MARK3: variants seen among roughly 807,000 people sequenced by gnomAD.
MARK3 encodes MAP/microtubule affinity-regulating kinase 3.
MARK3 carries 46 observed loss-of-function variants against 90.1 expected under a neutral mutation model. The observed-to-expected ratio is 0.51, with a 90% CI of 0.40 to 0.65. The LOEUF (loss-of-function observed/expected upper bound fraction) is 0.65, where lower values mean the gene tolerates loss of function less well. Among genes scored for constraint, MARK3 ranks in the 30% least tolerant of loss-of-function variants. The probability of loss-of-function intolerance (pLI) is 0.00; values close to 1 mark genes in which losing one functional copy is unlikely to be tolerated. For missense variants in MARK3, 818 were observed against 947.2 expected, an observed-to-expected ratio of 0.86 and a Z score of 1.79; for synonymous variants, 321 against 332.6, an observed-to-expected ratio of 0.97 and a Z score of 0.38.
intron 1 of MARK3, among the ~76,000 whole-genome samples, chr14:103,396,482 G>T (rs1178732124): frequency 2.0e-5 from 3 of 151,956 alleles, no homozygotes; most frequent in African/African-American, 7.3e-5. Context: ...GGAGAGGGAG[G>T]GGAAGTAAAT....
At chr14:103,458,809 C>CTTA (rs753844622) in intron 6 of MARK3, 1 of 670,674 alleles carries the variant, frequency 1.5e-6, no homozygotes, top group African/African-American at 1.8e-5. Context: ...AGTGATAGGA[C>CTTA]TTATTAAGTT....
chr14:103,443,826 G>A (rs578235025), intron 3 of MARK3, among the ~76,000 whole-genome samples: 1 of 152,052 alleles, frequency 6.6e-6, no homozygotes, highest in African/African-American at 2.4e-5. Flanking sequence ...AACTTTGCCA[G>A]CCTCTCTGTC....
chr14:103,494,469 G>A (rs1306783883), intron 15 of MARK3, among the ~76,000 whole-genome samples: 1 of 148,454 alleles, frequency 6.7e-6, no homozygotes, highest in Non-Finnish European at 1.5e-5. Context: ...ACTTGAACCT[G>A]GGAGGCAGAG....
At chr14:103,429,903 G>GA (rs2092529613) in intron 3 of MARK3, among the ~76,000 whole-genome samples, 1 of 152,060 alleles carries the variant, frequency 6.6e-6, no homozygotes, top group Non-Finnish European at 1.5e-5. Flanking sequence ...AGTTTTCCCG[G>GA]AAAAATTTTT....
intron 2 of MARK3, among the ~76,000 whole-genome samples, chr14:103,410,618 CTTGAGCCCAGGAGTACAAG>C (rs1162420001): frequency 2.0e-5 from 3 of 152,164 alleles, no homozygotes; most frequent in Non-Finnish European, 2.9e-5. Context: ...AGGAGGATCA[CTTGAGCCCAGGAGTACAAG>C]ACTGCATTGT....
chr14:103,424,952 A>AT (rs1000031944), intron 2 of MARK3, among the ~76,000 whole-genome samples: 1 of 151,830 alleles, frequency 6.6e-6, no homozygotes, highest in Non-Finnish European at 1.5e-5. Flanking sequence ...ATTTATTTTT[A>AT]TTTTTTTGAG....
At chr14:103,406,258 C>G (rs961325523) in intron 2 of MARK3, among the ~76,000 whole-genome samples, 2 of 151,764 alleles carry the variant, frequency 1.3e-5, no homozygotes, top group African/African-American at 4.8e-5. Flanking sequence ...GAGTCTTGCC[C>G]TGTAGCCCAG....
Position 103,405,077 on chromosome 14 carries a change from A to G in MARK3, c.53A>G (p.His18Arg). ...PTVNERDTENHTSHGDGRQEV... is the reference protein window; with the variant it reads ...PTVNERDTENRTSHGDGRQEV... Reference sequence around the variant, plus strand: ...ATCTTTGTGTATGCTGTATTGCAGCACACGTCACATGGAGATGGGCGTCAA... The same window carrying G: ...ATCTTTGTGTATGCTGTATTGCAGCGCACGTCACATGGAGATGGGCGTCAA... Residue 18 changes from histidine to arginine, a missense_variant and splice_region_variant, in exon 2 of 18, where the codon CAC becomes CGC. Transcript: ENST00000429436. 2 of 1,613,596 alleles carry G rather than the reference A, an allele frequency of 1.2e-6. No homozygotes were observed. Among genetic ancestry groups the G allele is most frequent in the Non-Finnish European group, 1.7e-6 (2 of 1,179,778 alleles).
intron 3 of MARK3, among the ~76,000 whole-genome samples, chr14:103,432,269 CTG>C (rs2092605012): frequency 6.6e-6 from 1 of 152,054 alleles, no homozygotes; most frequent in Admixed American, 6.5e-5. Context: ...AGGGAAATCC[CTG>C]TGTTTTTAAA....
At chr14:103,454,456 G>A (rs1172213956) in intron 5 of MARK3, among the ~76,000 whole-genome samples, 1 of 152,046 alleles carries the variant, frequency 6.6e-6, no homozygotes, top group Non-Finnish European at 1.5e-5. Context: ...TGCCACATTG[G>A]CCAGGCTGGT....
At chr14:103,435,151 A>G (rs2092683859) in intron 3 of MARK3, among the ~76,000 whole-genome samples, 1 of 152,218 alleles carries the variant, frequency 6.6e-6, no homozygotes, top group Non-Finnish European at 1.5e-5. Flanking sequence ...TGCTGCCACC[A>G]CTGGGTTATT....
chr14:103,429,288 C>T (rs1388039443), intron 3 of MARK3: 1 of 152,218 alleles, frequency 6.6e-6, no homozygotes, highest in African/African-American at 2.4e-5. Flanking sequence ...AGCCGAATAT[C>T]TGACCTTGAG....
chr14:103,419,471 A>T (rs926107974), intron 2 of MARK3, among the ~76,000 whole-genome samples: 1 of 152,212 alleles, frequency 6.6e-6, no homozygotes, highest in Non-Finnish European at 1.5e-5. Context: ...TATGAAAAAC[A>T]ACTATTTTCC....
intron 2 of MARK3, among the ~76,000 whole-genome samples, chr14:103,410,972 G>A (rs1234790065): frequency 6.6e-6 from 1 of 151,980 alleles, no homozygotes; most frequent in Non-Finnish European, 1.5e-5. Flanking sequence ...TTTGTCCCGT[G>A]ACTTAAAAAA....
In MARK3 at chr14:103,500,180, C is replaced by T. The variant is rs902962601; in HGVS notation, c.1896C>T (p.Asn632=). 2.8e-5 allele frequency: 45 copies of T among 1,612,090 alleles called. No homozygotes were observed. Among genetic ancestry groups the T allele is most frequent in the South Asian group, 5.5e-5 (5 of 90,752 alleles). Residue 632 remains asparagine, a synonymous_variant, in exon 17 of 18, where the codon AAC becomes AAT. Coordinates refer to ENST00000429436, the MANE Select transcript of MARK3 (RefSeq NM_001128918.3). ...IKRLPTEYER[N]GRYEGSSRNV... ...GGCTTCCAACTGAATATGAGAGGAA[C>T]GGGAGATATGAGGGCTCAAGGTGAG...
intron 1 of MARK3, among the ~76,000 whole-genome samples, chr14:103,400,561 G>A (rs952205010): frequency 1.3e-5 from 2 of 152,130 alleles, no homozygotes; most frequent in African/African-American, 2.4e-5. Flanking sequence ...ATTAAACTCA[G>A]CAGCTTTTGA....
chr14:103,418,638 A>G (rs1759085813), intron 2 of MARK3, among the ~76,000 whole-genome samples: 1 of 152,050 alleles, frequency 6.6e-6, no homozygotes, highest in Non-Finnish European at 1.5e-5. Context: ...ACGTTTCTTC[A>G]TCCTGGGGTG....
At chr14:103,388,754 G>C (rs1392492437) in intron 1 of MARK3, among the ~76,000 whole-genome samples, 1 of 152,168 alleles carries the variant, frequency 6.6e-6, no homozygotes. Flanking sequence ...AGGATGCTAT[G>C]TAAATGGAGT....
chr14:103,386,243 G>A, intron 1 of MARK3, 163 bp downstream of exon 1: 1 of 738,046 alleles, frequency 1.4e-6, no homozygotes, highest in Non-Finnish European at 2.5e-6. Context: ...TCCTCCAGAA[G>A]TCTGCCGTGT....
Sources: allele counts gnomAD v4.1 joint callset (sites outside exome capture counted in the v4.1 genomes callset), GRCh38; gene constraint gnomAD v4.1.1; transcripts MANE v1.5; gene names NCBI Gene and HGNC (gene_info 2026-07-23, HGNC 2026-07-21).